Variants in LAMA1 observed in about 807,000 individuals in gnomAD.
The protein encoded by LAMA1 is laminin subunit alpha-1.
LAMA1 carries 219 observed loss-of-function variants against 348.7 expected under a neutral mutation model. The ratio of observed to expected loss-of-function variants is 0.63; its 90% CI spans 0.56 to 0.70. The LOEUF (loss-of-function observed/expected upper bound fraction) is 0.70. Ranked by LOEUF, LAMA1 falls within the 30% of genes least tolerant of loss-of-function variation. The pLI, the probability that LAMA1 is intolerant of heterozygous loss-of-function variation, is 0.00. For synonymous variants in LAMA1, 1,487 were observed against 1,491.0 expected (o/e 1.00, Z 0.06); for missense variants, 3,744 against 3,888.0 (o/e 0.96, Z 0.99).
At chr18:7,112,766 A>G (rs1057184240) in intron 1 of LAMA1, among the ~76,000 whole-genome samples, 1 of 151,698 alleles carries the variant, frequency 6.6e-6, no homozygotes, top group African/African-American at 2.4e-5. Context: ...CCTCCTGAGT[A>G]GCTGGGATTA....
chr18:7,038,103 G>A (rs2058003477), intron 11 of LAMA1, among the ~76,000 whole-genome samples: 1 of 152,062 alleles, frequency 6.6e-6, no homozygotes, highest in Admixed American at 6.5e-5. Flanking sequence ...CCTCTTCTTC[G>A]TTGCCCCCTG....
chr18:6,988,685 T>C (rs1402642502), intron 36 of LAMA1, among the ~76,000 whole-genome samples: 1 of 151,372 alleles, frequency 6.6e-6, no homozygotes, highest in Non-Finnish European at 1.5e-5. Flanking sequence ...TAGGTGCCCG[T>C]AATCCCAGCT....
At chr18:6,975,906 C>T in intron 45 of LAMA1, 31 bp downstream of exon 45, 1 of 1,613,434 alleles carries the variant, frequency 6.2e-7, no homozygotes, top group African/African-American at 1.3e-5. Flanking sequence ...ATAAAAGATT[C>T]AGTGTCGCTT....
At position 7,014,115 on chromosome 18, in the gene LAMA1, T is replaced by C; in HGVS notation, c.3127-64A>G. Reference sequence around the variant, plus strand: ...TTTGATGCTTCCAAATGCACACATATTTGAATTACAGGAAAACACTACATG... The same window carrying C: ...TTTGATGCTTCCAAATGCACACATACTTGAATTACAGGAAAACACTACATG... On this transcript the variant is annotated intron_variant, in intron 22 of 62. Coordinates refer to ENST00000389658, the MANE Select transcript of LAMA1 (RefSeq NM_005559.4). The C allele has an allele frequency of 2.4e-6, 3 of 1,248,774 alleles. No homozygotes were observed. The South Asian group carries it at 3.7e-5, about 15-fold the overall frequency. The allele number at this position is 1,248,774 out of a possible 1,614,324, so 77.4% of individuals were successfully genotyped here. A position where few individuals can be genotyped will look rare whatever the true frequency, so the allele number is the denominator to read the frequency against.
At position 7,080,464 on chromosome 18, in the gene LAMA1, G is replaced by A. The variant is rs368875203; in HGVS notation, c.62-7C>T. Reference sequence around the variant, plus strand: ...AGAATGGCAGGAAACAGGCCTGAAAGTGAAAATTTACCAAATCAGCTGAGC... The same window carrying A: ...AGAATGGCAGGAAACAGGCCTGAAAATGAAAATTTACCAAATCAGCTGAGC... On this transcript the variant is annotated splice_region_variant and splice_polypyrimidine_tract_variant and intron_variant, in intron 1 of 62. Coordinates refer to ENST00000389658, the MANE Select transcript of LAMA1 (RefSeq NM_005559.4). The A allele has an allele frequency of 7.4e-6, 12 of 1,613,916 alleles. No individual in the cohort carries two copies. In the African/African-American group the frequency reaches 1.6e-4, roughly 22 times the overall value.
intron 1 of LAMA1, among the ~76,000 whole-genome samples, chr18:7,114,966 A>T (rs1326391337): frequency 2.0e-5 from 3 of 152,220 alleles, no homozygotes; most frequent in African/African-American, 7.2e-5. Flanking sequence ...CAATCATGCT[A>T]GATTAACTAC....
intron 57 of LAMA1, among the ~76,000 whole-genome samples, chr18:6,951,828 G>T (rs1298216351): frequency 6.6e-6 from 1 of 152,186 alleles, no homozygotes; most frequent in East Asian, 1.9e-4. Flanking sequence ...GTGAGAAAAA[G>T]TGAAATGAAA....
chr18:6,979,674 C>A (rs376015036), intron 42 of LAMA1, among the ~76,000 whole-genome samples: 14 of 152,054 alleles, frequency 9.2e-5, no homozygotes, highest in African/African-American at 2.9e-4. Context: ...CCAAGGCGGG[C>A]GGATCACGAG....
At position 6,964,744 on chromosome 18, in the gene LAMA1, T is replaced by A; in HGVS notation, c.7255A>T (p.Thr2419Ser). The change falls in exon 51 of 63, where the codon ACT becomes TCT. Residue 2419 changes from threonine to serine, a missense_variant. Thr to Ser is a moderately conservative substitution (Grantham distance 58, BLOSUM62 1). Around this residue, in one of 3 missense-constraint regions of LAMA1, gnomAD observed 1,983 missense variants for 1,934.3 expected, o/e 1.03. Transcript: ENST00000389658. ...TSNKETKQGE[T>S]PGASSDLNRL... ...TTGAGGTCAGAAGATGCTCCCGGAG[T>A]CTCGCCCTGCTTGGTTTCTTTATTA... 2 of 1,613,942 alleles carry A rather than the reference T, an allele frequency of 1.2e-6. No homozygotes were observed. The highest frequency in any genetic ancestry group is 1.7e-6 in the Non-Finnish European group (2 of 1,180,030).
chr18:7,014,150 T>C (rs1396156866), intron 22 of LAMA1, 99 bp from the exon 23 acceptor site: 4 of 931,900 alleles, frequency 4.3e-6, no homozygotes, highest in Non-Finnish European at 6.8e-6. Context: ...GTGGGGAAGT[T>C]CTACAAATGA....
Position 6,959,503 on chromosome 18 carries a change from T to G in LAMA1, c.7627-11A>C. Reference sequence around the variant, plus strand: ...GACGGAAAAGAAGGGCTGGGGAGGTTGCATAGAGAATTTCCCAGACAAAAC... The same window carrying G: ...GACGGAAAAGAAGGGCTGGGGAGGTGGCATAGAGAATTTCCCAGACAAAAC... On this transcript the variant is annotated splice_polypyrimidine_tract_variant and intron_variant, in intron 53 of 62. Transcript: ENST00000389658. 6.2e-7 allele frequency: 1 copy of G among 1,614,092 alleles called. No individual in the cohort carries two copies. Among genetic ancestry groups the G allele is most frequent in the East Asian group, 2.2e-5 (1 of 44,886 alleles).
At position 7,076,412 on chromosome 18, in the gene LAMA1, A is replaced by AT. The variant is rs879883347; in HGVS notation, c.345+3562_345+3563insA. Among the ~76,000 whole-genome samples the AT allele has an allele frequency of 1.1e-3, 170 of 152,298 alleles. 1 individual carries two copies. The highest frequency in any genetic ancestry group is 2.1e-3 in the Non-Finnish European group (140 of 68,032). ...GATGTGGTCTTCTGAAAAACACTTA[A>AT]CTGGAATCTAATCAGGTCTCTAGAG... On this transcript the variant is annotated intron_variant, in intron 3 of 62. Coordinates refer to ENST00000389658, the MANE Select transcript of LAMA1 (RefSeq NM_005559.4).
At position 7,036,104 on chromosome 18, in the gene LAMA1, G is replaced by A. The variant is rs371803424; in HGVS notation, c.1738-16C>T. ...ACGCAGTCAGCTGAAATGTTTAAGC[G>A]AGAATGAACACGAAAGGGGAAGACA... On this transcript the variant is annotated splice_polypyrimidine_tract_variant and intron_variant, in intron 12 of 62. Coordinates refer to ENST00000389658, the MANE Select transcript of LAMA1 (RefSeq NM_005559.4). The A allele has an allele frequency of 7.6e-6, 12 of 1,569,660 alleles. No individual in the cohort carries two copies. The highest frequency in any genetic ancestry group is 3.3e-5 in the South Asian group (3 of 90,152).
intron 57 of LAMA1, 41 bp from the exon 58 acceptor site, chr18:6,951,012 T>C: frequency 6.3e-7 from 1 of 1,574,916 alleles, no homozygotes; most frequent in Non-Finnish European, 8.6e-7. Flanking sequence ...AGGAAACTTT[T>C]ACTTTTCATT....
intron 19 of LAMA1, among the ~76,000 whole-genome samples, chr18:7,020,145 T>C (rs1189185822): frequency 6.6e-6 from 1 of 152,208 alleles, no homozygotes; most frequent in East Asian, 1.9e-4. Context: ...ACTTATTTAA[T>C]ATAAGAGTCC....
intron 30 of LAMA1, among the ~76,000 whole-genome samples, chr18:7,001,121 A>G (rs1358435671): frequency 6.6e-6 from 1 of 150,832 alleles, no homozygotes; most frequent in Non-Finnish European, 1.5e-5. Context: ...TAATATGGGT[A>G]TGAATAGACG....
rs143473777 is a variant in LAMA1, at chr18:6,980,963, C to T, written c.5891-326G>A. Among the ~76,000 whole-genome samples, 855 of 152,138 alleles carry T rather than the reference C, an allele frequency of 5.6e-3. 12 individuals are homozygous for T. The highest frequency in any genetic ancestry group is 0.019 in the African/African-American group (795 of 41,500). On this transcript the variant is annotated intron_variant, in intron 41 of 62. Coordinates refer to ENST00000389658, the MANE Select transcript of LAMA1 (RefSeq NM_005559.4). ...AAAATAAAAATAAACATTAGCCAGA[C>T]GTGGTGGTGGGCGCCTGTAGTCCCA...
rs868480314 is a variant in LAMA1 at position 7,023,369 on chromosome 18, T to A, written c.2496A>T (p.Ala832=). ...CTGTTGGGTTTCCATAGTAACCATC[T>A]GCACATCTGTATCAAAGATTGAAAG... ...GYSGAWCERC[A]DGYYGNPTVP... Residue 832 remains alanine, a synonymous_variant, in exon 19 of 63, where the codon GCA becomes GCT. Transcript: ENST00000389658. 6.2e-7 allele frequency: 1 copy of A among 1,614,036 alleles called. No homozygotes were observed. Among genetic ancestry groups the A allele is most frequent in the Middle Eastern group, 1.6e-4 (1 of 6,062 alleles).
chr18:7,079,042 A>G (rs2058182453), intron 3 of LAMA1, among the ~76,000 whole-genome samples: 3 of 152,126 alleles, frequency 2.0e-5, no homozygotes, highest in Non-Finnish European at 4.4e-5. Flanking sequence ...TTTTAAAACT[A>G]TCACTTATTC....
Sources: allele counts gnomAD v4.1 joint callset (sites outside exome capture counted in the v4.1 genomes callset), GRCh38; gene constraint gnomAD v4.1.1; regional missense constraint gnomAD v4.1.1; transcripts MANE v1.5; gene names NCBI Gene and HGNC (gene_info 2026-07-23, HGNC 2026-07-21).